The following CSMD1 variants were observed in gnomAD, a reference collection of about 807,000 sequenced individuals.
The protein encoded by CSMD1 is CUB and sushi domain-containing protein 1.
A neutral mutation model predicts 417.5 loss-of-function variants in CSMD1; 213 were observed. The ratio of observed to expected loss-of-function variants is 0.51; its 90% CI spans 0.46 to 0.57. CSMD1 has a LOEUF of 0.57. Among genes scored for constraint, CSMD1 ranks in the 20% least tolerant of loss-of-function variants. The probability of loss-of-function intolerance (pLI) is 0.00; values close to 1 mark genes in which losing one functional copy is unlikely to be tolerated. For synonymous variants in CSMD1, 2,862 were observed against 1,736.8 expected (o/e 1.65, Z -16.11); for missense variants, 6,923 against 4,529.7 (o/e 1.53, Z -15.17).
rs543332260 is a variant in CSMD1 at position 4,734,985 on chromosome 8, T to C, written c.86-97427A>G. Among the ~76,000 whole-genome samples the C allele has an allele frequency of 2.6e-5, 4 of 152,322 alleles. No individual in the cohort carries two copies. In the South Asian group the frequency reaches 8.3e-4, roughly 32 times the overall value. On this transcript the variant is annotated intron_variant, in intron 1 of 69. Coordinates refer to ENST00000635120, the MANE Select transcript of CSMD1 (RefSeq NM_033225.6). ...TGGGAAAGTTTCCATATGGATGTTA[T>C]AAGATGTTGCTGAGAAGTGCTCGGG...
intron 8 of CSMD1, among the ~76,000 whole-genome samples, chr8:3,593,112 C>A (rs374631501): frequency 6.6e-6 from 1 of 152,174 alleles, no homozygotes; most frequent in African/African-American, 2.4e-5. Flanking sequence ...GTCTGGCTAC[C>A]GCCAGAACTT....
chr8:4,202,444 C>G (rs191442589), intron 3 of CSMD1, among the ~76,000 whole-genome samples: 5 of 152,230 alleles, frequency 3.3e-5, no homozygotes, highest in African/African-American at 1.2e-4. Context: ...TGGAAATGTA[C>G]AAAATGTTTC....
intron 5 of CSMD1, among the ~76,000 whole-genome samples, chr8:3,971,073 G>A (rs892158528): frequency 6.6e-6 from 1 of 152,102 alleles, no homozygotes; most frequent in South Asian, 2.1e-4. Context: ...TAATACAAAT[G>A]GGGGAGCCGA....
chr8:3,522,693 C>A (rs1028280634), intron 10 of CSMD1, among the ~76,000 whole-genome samples: 2 of 151,908 alleles, frequency 1.3e-5, no homozygotes, highest in Non-Finnish European at 2.9e-5. Flanking sequence ...ATCAGTCGTC[C>A]CGGTACATTC....
At chr8:4,438,040 T>G (rs1210029708) in intron 2 of CSMD1, among the ~76,000 whole-genome samples, 2 of 152,194 alleles carry the variant, frequency 1.3e-5, no homozygotes, top group African/African-American at 4.8e-5. Flanking sequence ...CTTCCAAGCC[T>G]CTTAGCTATG....
At chr8:3,073,662 T>C (rs1312553660) in intron 49 of CSMD1, among the ~76,000 whole-genome samples, 3 of 152,082 alleles carry the variant, frequency 2.0e-5, no homozygotes, top group South Asian at 2.1e-4. Context: ...TAAAAGACAT[T>C]TGAAATACAT....
chr8:4,336,750 T>C (rs1191350826), intron 3 of CSMD1, among the ~76,000 whole-genome samples: 1 of 152,090 alleles, frequency 6.6e-6, no homozygotes, highest in African/African-American at 2.4e-5. Flanking sequence ...ACTTGGTGAC[T>C]GGATCCACAA....
At chr8:3,302,339 A>G (rs1028306795) in intron 25 of CSMD1, among the ~76,000 whole-genome samples, 3 of 152,038 alleles carry the variant, frequency 2.0e-5, no homozygotes, top group Admixed American at 6.6e-5. Context: ...CGTTCTCATC[A>G]CAGCATCTCC....
intron 1 of CSMD1, among the ~76,000 whole-genome samples, chr8:4,951,748 T>C (rs1808763678): frequency 6.6e-6 from 1 of 151,496 alleles, no homozygotes; most frequent in African/African-American, 2.4e-5. Flanking sequence ...TCACAATCTT[T>C]CTCCACCCAC....
intron 53 of CSMD1, among the ~76,000 whole-genome samples, chr8:2,998,859 T>G (rs1274551325): frequency 6.6e-6 from 1 of 152,184 alleles, no homozygotes; most frequent in Non-Finnish European, 1.5e-5. Flanking sequence ...TTCTTCCTCA[T>G]TTATCTTGTC....
intron 5 of CSMD1, among the ~76,000 whole-genome samples, chr8:3,881,356 C>T (rs1479906601): frequency 1.3e-5 from 2 of 150,872 alleles, no homozygotes; most frequent in Non-Finnish European, 3.0e-5. Flanking sequence ...CAAGTTGGGG[C>T]CGGGTGCGGT....
intron 3 of CSMD1, among the ~76,000 whole-genome samples, chr8:4,202,337 T>C (rs1401891304): frequency 2.0e-5 from 3 of 152,214 alleles, no homozygotes; most frequent in East Asian, 1.9e-4. Flanking sequence ...ACTTACAATA[T>C]GGCATTTTAA....
chr8:4,441,099 T>TTTTTTTTTTTTTTTTTTTTTTTG (rs1798448478), intron 2 of CSMD1, among the ~76,000 whole-genome samples: 1 of 97,960 alleles, frequency 1.0e-5, no homozygotes, highest in Admixed American at 1.2e-4. Flanking sequence ...CAAAAGGTTT[T>TTTTTTTTTTTTTTTTTTTTTTTG]TTTTTTTTTT....
chr8:4,368,507 CCT>C (rs1345685127), intron 3 of CSMD1, among the ~76,000 whole-genome samples: 1 of 152,078 alleles, frequency 6.6e-6, no homozygotes, highest in Admixed American at 6.6e-5. Context: ...GAGAGAAGTC[CCT>C]CTTTCTCAAA....
intron 5 of CSMD1, among the ~76,000 whole-genome samples, chr8:3,765,209 C>T (rs911299724): frequency 2.0e-4 from 31 of 152,122 alleles, no homozygotes; most frequent in African/African-American, 6.8e-4. Flanking sequence ...CATGTGGTGG[C>T]GATCACTCCC....
intron 2 of CSMD1, among the ~76,000 whole-genome samples, chr8:4,489,250 C>T (rs752120276): frequency 6.6e-6 from 1 of 152,170 alleles, no homozygotes; most frequent in Non-Finnish European, 1.5e-5. Flanking sequence ...TTAAGGTGCC[C>T]TCCTTTTTCT....
At chr8:4,790,739 C>G (rs147569887) in intron 1 of CSMD1, among the ~76,000 whole-genome samples, 2 of 152,250 alleles carry the variant, frequency 1.3e-5, no homozygotes, top group Non-Finnish European at 2.9e-5. Flanking sequence ...GGAAAGGACT[C>G]CCCTATTCAA....
intron 7 of CSMD1, among the ~76,000 whole-genome samples, chr8:3,640,713 T>C (rs1328735613): frequency 6.6e-6 from 1 of 152,222 alleles, no homozygotes; most frequent in African/African-American, 2.4e-5. Context: ...AAACCAGTTG[T>C]GTAGAAACCA....
intron 3 of CSMD1, among the ~76,000 whole-genome samples, chr8:4,321,934 C>G (rs1289734375): frequency 6.6e-6 from 1 of 151,858 alleles, no homozygotes; most frequent in Non-Finnish European, 1.5e-5. Flanking sequence ...ATTTTTATTT[C>G]TGCATTTTTT....
Sources: gnomAD v4.1 joint callset for allele counts (sites outside exome capture counted in the v4.1 genomes callset) on GRCh38, gnomAD v4.1.1 for gene constraint, MANE v1.5 for transcripts, NCBI Gene and HGNC (gene_info 2026-07-23, HGNC 2026-07-21) for gene names.